BPNT1: variants seen among roughly 807,000 people sequenced by gnomAD.
BPNT1 encodes 3'(2'),5'-bisphosphate nucleotidase 1.
BPNT1 carries 28 observed loss-of-function variants against 36.9 expected under a neutral mutation model. That is an observed-to-expected ratio of 0.76 (90% CI 0.56 to 1.04). The LOEUF (loss-of-function observed/expected upper bound fraction) is 1.04, where lower values mean the gene tolerates loss of function less well. Ranked by LOEUF, BPNT1 falls within the 50% of genes least tolerant of loss-of-function variation. The pLI is 0.00. For synonymous variants in BPNT1, 119 were observed against 130.9 expected, an observed-to-expected ratio of 0.91 and a Z score of 0.62; for missense variants, 313 against 372.9, an observed-to-expected ratio of 0.84 and a Z score of 1.32.
At position 220,072,951 on chromosome 1, in the gene BPNT1, G is replaced by A; in HGVS notation, c.232C>T (p.Pro78Ser). ...AGCTCTTGATCCACTTCCTCAGAAG[G>A]CAGATCCTAAAGCAGAGATAACCCT... ...KLTIIGEEDL[P>S]SEEVDQELIE... Residue 78 changes from proline (P) to serine (S), a missense_variant, in exon 4 of 9, where the codon CCT (proline) becomes TCT (serine). Physicochemically the swap from Pro to Ser is moderately conservative, Grantham distance 74 (BLOSUM62 -1). Coordinates refer to ENST00000322067, the MANE Select transcript of BPNT1 (RefSeq NM_006085.6). The A allele has an allele frequency of 6.2e-7, 1 of 1,613,560 alleles. No individual in the cohort carries two copies. The highest frequency in any genetic ancestry group is 1.1e-5 in the South Asian group (1 of 91,068).
At position 220,074,018 on chromosome 1, in the gene BPNT1, T is replaced by C. The variant is rs1473039835; in HGVS notation, c.174A>G (p.Ile58Met). The C allele has an allele frequency of 6.2e-7, 1 of 1,614,162 alleles. No individual in the cohort carries two copies. Among genetic ancestry groups the C allele is most frequent in the South Asian group, 1.1e-5 (1 of 91,088 alleles). The change falls in exon 3 of 9, where the codon ATA (isoleucine) becomes ATG (methionine). Residue 58 changes from isoleucine to methionine, a missense_variant. Coordinates refer to ENST00000322067, the MANE Select transcript of BPNT1 (RefSeq NM_006085.6). ...GGAATTTCCGGGCCAATGAAGAACATATGCTCATCTGTGCCAATCGGTCAG... is the reference window on the plus strand; with the variant it reads ...GGAATTTCCGGGCCAATGAAGAACACATGCTCATCTGTGCCAATCGGTCAG... ...TKADRLAQMS[I>M]CSSLARKFPK...
intron 1 of BPNT1, among the ~76,000 whole-genome samples, chr1:220,086,395 C>CTGAG: frequency 6.6e-6 from 1 of 151,996 alleles, no homozygotes; most frequent in South Asian, 2.1e-4. Context: ...CCTCATATGG[C>CTGAG]TGAGTAGCTG....
intron 5 of BPNT1, among the ~76,000 whole-genome samples, chr1:220,068,048 G>A (rs548630723): frequency 1.3e-5 from 2 of 152,084 alleles, no homozygotes; most frequent in South Asian, 2.1e-4. Context: ...CCATTATAGC[G>A]ATGTCTCATT....
intron 1 of BPNT1, among the ~76,000 whole-genome samples, chr1:220,086,422 T>C (rs567635755): frequency 3.6e-4 from 55 of 151,644 alleles, no homozygotes; most frequent in African/African-American, 1.3e-3. Context: ...CAGGCACGCA[T>C]CACCACGCCT....
chr1:220,067,512 C>T (rs535256488), intron 5 of BPNT1, 119 bp from the exon 6 acceptor site: 20 of 573,642 alleles, frequency 3.5e-5, no homozygotes, highest in Admixed American at 1.2e-4. Flanking sequence ...ATGATTCATC[C>T]GTGATCAATC....
intron 1 of BPNT1, among the ~76,000 whole-genome samples, chr1:220,086,823 C>T (rs1021734799): frequency 3.3e-5 from 5 of 151,890 alleles, no homozygotes; most frequent in African/African-American, 9.7e-5. Flanking sequence ...ATCCGCCTGC[C>T]TCCCAAAGTG....
At chr1:220,067,531 A>G (rs1663648706) in intron 5 of BPNT1, 138 bp from the exon 6 acceptor site, 1 of 491,502 alleles carries the variant, frequency 2.0e-6, no homozygotes, top group Non-Finnish European at 3.6e-6. Flanking sequence ...TCCTATTTAT[A>G]GTGAAAGGCA....
chr1:220,073,004 A>G lies in BPNT1; in HGVS notation c.226-47T>C, dbSNP rs772297150. ...TGGTTACTGAAGCTGTTTAGTGTTT[A>G]CAGAGTATGCTTTGTCTCATTAACA... On this transcript the variant is annotated intron_variant, in intron 3 of 8. Coordinates refer to ENST00000322067, the MANE Select transcript of BPNT1 (RefSeq NM_006085.6). 6 of 1,428,660 alleles carry G rather than the reference A, an allele frequency of 4.2e-6. No individual in the cohort carries two copies. In the East Asian group the frequency reaches 9.1e-5, roughly 22 times the overall value. 88.5% of individuals were successfully genotyped at this position (1,428,660 alleles called of 1,614,324 possible). A position where few individuals can be genotyped will look rare whatever the true frequency, so the allele number is the denominator to read the frequency against.
chr1:220,059,719 A>G lies in BPNT1; in HGVS notation c.745T>C (p.Cys249Arg). 6.2e-7 allele frequency: 1 copy of G among 1,611,314 alleles called. No homozygotes were observed. The highest frequency in any genetic ancestry group is 8.5e-7 in the Non-Finnish European group (1 of 1,179,196). The change falls in exon 8 of 9, where the codon TGT (cysteine) becomes CGT (arginine). Residue 249 changes from cysteine to arginine, a missense_variant. Coordinates refer to ENST00000322067, the MANE Select transcript of BPNT1 (RefSeq NM_006085.6). The stretch of plus-strand genomic sequence containing the variant: ...GCATGTAAAATAACTTCTGGAGCAC[A>G]AGTATCCCACTTCTTACAACCAGGA... Reference protein sequence around the residue: ...ASPGCKKWDTCAPEVILHAVG... With the variant: ...ASPGCKKWDTRAPEVILHAVG...
At chr1:220,067,900 G>A (rs1663684325) in intron 5 of BPNT1, among the ~76,000 whole-genome samples, 1 of 152,038 alleles carries the variant, frequency 6.6e-6, no homozygotes, top group African/African-American at 2.4e-5. Context: ...TGAGAGTGGG[G>A]GACAAGACCT....
chr1:220,067,420 A>C, intron 5 of BPNT1, 27 bp from the exon 6 acceptor site: 3 of 1,526,536 alleles, frequency 2.0e-6, no homozygotes, highest in Non-Finnish European at 2.7e-6. Context: ...AATATCAGTT[A>C]TATAACTTGC....
intron 2 of BPNT1, 24 bp from the exon 3 acceptor site, chr1:220,074,095 A>AGAATTTAGAATTTTAAAATTTAGAAT: frequency 6.2e-7 from 1 of 1,600,292 alleles, no homozygotes; most frequent in Non-Finnish European, 8.5e-7. Flanking sequence ...TGCAAATTTT[A>AGAATTTAGAATTTTAAAATTTAGAAT]GCAGAGCTAA....
chr1:220,087,023 G>A (rs1335175424), intron 1 of BPNT1, among the ~76,000 whole-genome samples: 1 of 147,956 alleles, frequency 6.8e-6, no homozygotes, highest in Non-Finnish European at 1.5e-5. Flanking sequence ...CTCCAGCCTG[G>A]GCGACAGAGC....
intron 2 of BPNT1, among the ~76,000 whole-genome samples, chr1:220,076,948 T>G (rs912502337): frequency 6.6e-6 from 1 of 152,204 alleles, no homozygotes; most frequent in Admixed American, 6.5e-5. Context: ...TATTCTGTGA[T>G]CAAATGCATG....
chr1:220,073,061 T>C, intron 3 of BPNT1, 104 bp from the exon 4 acceptor site: 1 of 981,202 alleles, frequency 1.0e-6, no homozygotes, highest in Non-Finnish European at 1.6e-6. Context: ...TTTCACTAGT[T>C]CTTCTGGTTT....
At chr1:220,071,239 C>T (rs1200198113) in intron 4 of BPNT1, among the ~76,000 whole-genome samples, 1 of 151,974 alleles carries the variant, frequency 6.6e-6, no homozygotes, top group Non-Finnish European at 1.5e-5. Context: ...AATGAATATG[C>T]CTTAAATAAT....
At chr1:220,069,962 T>C (rs1397024053) in intron 4 of BPNT1, among the ~76,000 whole-genome samples, 2 of 151,930 alleles carry the variant, frequency 1.3e-5, no homozygotes, top group Non-Finnish European at 2.9e-5. Flanking sequence ...AAAAAAATGA[T>C]TTTCAACATG....
chr1:220,059,405 C>T (rs1417894585), intron 8 of BPNT1, among the ~76,000 whole-genome samples: 9 of 145,016 alleles, frequency 6.2e-5, no homozygotes, highest in South Asian at 2.2e-4. Flanking sequence ...CAATAGCGAC[C>T]CTGTGTCAAA....
intron 4 of BPNT1, among the ~76,000 whole-genome samples, chr1:220,072,276 T>A (rs1457057791): frequency 1.3e-5 from 2 of 151,312 alleles, no homozygotes; most frequent in Non-Finnish European, 2.9e-5. Flanking sequence ...GGCAGGAGAA[T>A]CGCCTGAACC....
Sources: allele counts gnomAD v4.1 joint callset (sites outside exome capture counted in the v4.1 genomes callset), GRCh38; gene constraint gnomAD v4.1.1; transcripts MANE v1.5; gene names NCBI Gene and HGNC (gene_info 2026-07-23, HGNC 2026-07-21).